The following LRRC28 variants were observed in gnomAD, a reference collection of about 807,000 sequenced individuals.
LRRC28 encodes leucine-rich repeat-containing protein 28.
A neutral mutation model predicts 45.7 loss-of-function variants in LRRC28; 39 were observed. The observed-to-expected ratio is 0.85, with a 90% CI of 0.66 to 1.12. The LOEUF is 1.12. Ranked by LOEUF, LRRC28 falls within the 50% of genes most tolerant of loss-of-function variation. The pLI, the probability that LRRC28 is intolerant of heterozygous loss-of-function variation, is 0.00. For missense variants in LRRC28, 435 were observed against 438.5 expected (o/e 0.99, Z 0.07); for synonymous variants, 206 against 178.8 (o/e 1.15, Z -1.22).
intron 5 of LRRC28, among the ~76,000 whole-genome samples, chr15:99,329,454 A>T (rs2152288125): frequency 6.6e-6 from 1 of 152,352 alleles, no homozygotes; most frequent in African/African-American, 2.4e-5. Context: ...CCACTTTGTT[A>T]TGCTGAGCAT....
chr15:99,347,907 G>A (rs1956747039), intron 6 of LRRC28, among the ~76,000 whole-genome samples: 1 of 151,890 alleles, frequency 6.6e-6, no homozygotes, highest in African/African-American at 2.4e-5. Context: ...CACATACTAG[G>A]GTTCCCTTTT....
chr15:99,361,215 A>T, intron 7 of LRRC28, 121 bp from the exon 8 acceptor site: 1 of 1,218,340 alleles, frequency 8.2e-7, no homozygotes, highest in Non-Finnish European at 1.1e-6. Flanking sequence ...CTTTGAAAAG[A>T]ATTCTGGCAA....
intron 4 of LRRC28, 118 bp downstream of exon 4, chr15:99,287,412 T>C: frequency 1.5e-6 from 1 of 687,634 alleles, no homozygotes. Flanking sequence ...ACTTTTTTCT[T>C]CTAATAAGTC....
chr15:99,325,605 G>T (rs1184412468), intron 5 of LRRC28, among the ~76,000 whole-genome samples: 1 of 152,202 alleles, frequency 6.6e-6, no homozygotes, highest in Non-Finnish European at 1.5e-5. Context: ...CCCCTTATTG[G>T]TTGAAGGAGT....
intron 6 of LRRC28, among the ~76,000 whole-genome samples, chr15:99,344,337 A>G (rs976335357): frequency 3.9e-5 from 6 of 152,036 alleles, no homozygotes; most frequent in Non-Finnish European, 8.8e-5. Flanking sequence ...CAGGATTCAG[A>G]CTCAGTTCTG....
At chr15:99,284,876 A>C (rs1342287345) in intron 3 of LRRC28, 1 of 573,360 alleles carries the variant, frequency 1.7e-6, no homozygotes, top group African/African-American at 1.9e-5. Flanking sequence ...CACCATATCT[A>C]CCATCACCAT....
intron 3 of LRRC28, among the ~76,000 whole-genome samples, chr15:99,283,457 C>CA (rs1164100304): frequency 2.7e-5 from 4 of 148,116 alleles, no homozygotes; most frequent in African/African-American, 5.0e-5. Context: ...ACTGAAAATA[C>CA]AAAAAAAAAT....
chr15:99,387,183 CCCA>C lies in LRRC28; in HGVS notation c.*1082_*1084del, dbSNP rs1958035206. ...TCACGCCATTCTCCTGCCTCAGCCT[CCCA>C]AGTAGCTGGGACCACAGGCGCCCGC... On this transcript the variant is annotated 3_prime_UTR_variant, in exon 10 of 10. Transcript: ENST00000301981. 1.4e-5 allele frequency: 2 copies of C among 146,192 alleles called. No homozygotes were observed. Among genetic ancestry groups the C allele is most frequent in the Non-Finnish European group, 3.0e-5 (2 of 66,190 alleles). 9.1% of individuals were successfully genotyped at this position (146,192 alleles called of 1,614,324 possible). A position where few individuals can be genotyped will look rare whatever the true frequency, so the allele number is the denominator to read the frequency against.
At position 99,351,946 on chromosome 15, in the gene LRRC28, T is replaced by C. The variant is rs182080003; in HGVS notation, c.593-423T>C. 6.3e-4 allele frequency among the ~76,000 whole-genome samples: 96 copies of C among 152,274 alleles called. 1 individual carries two copies. The highest frequency in any genetic ancestry group is 2.0e-3 in the African/African-American group (83 of 41,552). On this transcript the variant is annotated intron_variant, in intron 6 of 9. Transcript: ENST00000301981. ...CAACATCAGGAATAAGGAGACAATA[T>C]GTAGTTCTGGCAAGAAAAGGGATGA...
intron 9 of LRRC28, among the ~76,000 whole-genome samples, chr15:99,382,124 G>A (rs376327186): frequency 6.6e-5 from 10 of 152,210 alleles, no homozygotes; most frequent in Admixed American, 2.0e-4. Flanking sequence ...GCCCTGCCCC[G>A]AGAGGTGGAG....
At chr15:99,266,632 C>T (rs1387189319) in intron 2 of LRRC28, among the ~76,000 whole-genome samples, 1 of 152,176 alleles carries the variant, frequency 6.6e-6, no homozygotes, top group African/African-American at 2.4e-5. Context: ...TTTGAATCGG[C>T]ATTTTCACTT....
intron 2 of LRRC28, among the ~76,000 whole-genome samples, chr15:99,262,884 A>G (rs1221453887): frequency 6.6e-6 from 1 of 151,844 alleles, no homozygotes; most frequent in African/African-American, 2.4e-5. Flanking sequence ...TCCTGGGCTC[A>G]AGTGATACTC....
At chr15:99,348,976 T>C (rs1239721741) in intron 6 of LRRC28, among the ~76,000 whole-genome samples, 1 of 152,122 alleles carries the variant, frequency 6.6e-6, no homozygotes, top group Non-Finnish European at 1.5e-5. Context: ...TAGTTTTCAG[T>C]GTACAAATCT....
intron 3 of LRRC28, among the ~76,000 whole-genome samples, chr15:99,276,877 C>T (rs1201675001): frequency 1.3e-5 from 2 of 152,134 alleles, no homozygotes; most frequent in Non-Finnish European, 2.9e-5. Flanking sequence ...ATAGTGTCTT[C>T]TGTCACAGAA....
chr15:99,272,383 C>G (rs973354637), intron 2 of LRRC28, among the ~76,000 whole-genome samples: 1 of 152,188 alleles, frequency 6.6e-6, no homozygotes, highest in Non-Finnish European at 1.5e-5. Flanking sequence ...CTTAATTTCA[C>G]TGACCAAGCT....
chr15:99,380,596 T>G (rs1004419356), intron 9 of LRRC28, among the ~76,000 whole-genome samples: 2 of 152,260 alleles, frequency 1.3e-5, no homozygotes, highest in African/African-American at 4.8e-5. Flanking sequence ...CTGGTTATTT[T>G]GCTTGTTAGT....
At chr15:99,351,862 C>T (rs1476173550) in intron 6 of LRRC28, among the ~76,000 whole-genome samples, 2 of 152,094 alleles carry the variant, frequency 1.3e-5, no homozygotes, top group African/African-American at 4.8e-5. Context: ...ATAACGTGGG[C>T]AAGTAGGAAT....
chr15:99,326,156 C>T (rs1237391974), intron 5 of LRRC28, among the ~76,000 whole-genome samples: 1 of 151,736 alleles, frequency 6.6e-6, no homozygotes, highest in Non-Finnish European at 1.5e-5. Flanking sequence ...GTGGTGTTCC[C>T]AGATTTGGTC....
chr15:99,384,263 G>A (rs891456782), intron 9 of LRRC28: 4 of 152,222 alleles, frequency 2.6e-5, no homozygotes, highest in Non-Finnish European at 4.4e-5. Context: ...CGTAGAAGGT[G>A]GAAAGGTCTG....
Sources: allele counts gnomAD v4.1 joint callset (sites outside exome capture counted in the v4.1 genomes callset), GRCh38; gene constraint gnomAD v4.1.1; transcripts MANE v1.5; gene names NCBI Gene and HGNC (gene_info 2026-07-23, HGNC 2026-07-21).